The following CLNK variants were observed in gnomAD, a reference collection of about 807,000 sequenced individuals.
CLNK encodes cytokine dependent hematopoietic cell linker.
Under a neutral mutation model 68.6 loss-of-function variants are expected in CLNK, and 74 were observed. The ratio of observed to expected loss-of-function variants is 1.08; its 90% CI spans 0.89 to 1.31. The LOEUF is 1.31. Ranked by LOEUF, CLNK falls within the 50% of genes most tolerant of loss-of-function variation. CLNK has a pLI of 0.00. For missense variants in CLNK, 553 were observed against 515.3 expected (o/e 1.07, Z -0.71); for synonymous variants, 198 against 172.2 (o/e 1.15, Z -1.17).
intron 16 of CLNK, among the ~76,000 whole-genome samples, chr4:10,510,663 A>G (rs1717539648): frequency 6.6e-6 from 1 of 152,158 alleles, no homozygotes; most frequent in African/African-American, 2.4e-5. Flanking sequence ...TTTACAATCT[A>G]TTCTCTCTGA....
At chr4:10,716,572 T>G in the CLNK span, among the ~76,000 whole-genome samples, 1 of 152,094 alleles carries the variant, frequency 6.6e-6, no homozygotes, top group East Asian at 1.9e-4. Context: ...CAAACTTCAG[T>G]TGAATAATTA....
chr4:10,650,324 G>T (rs181880889), intron 2 of CLNK, among the ~76,000 whole-genome samples: 1 of 151,812 alleles, frequency 6.6e-6, no homozygotes, highest in East Asian at 1.9e-4. Context: ...AAGAATGAGA[G>T]GAAAAAATAC....
At chr4:10,512,012 A>G (rs930258346) in intron 16 of CLNK, among the ~76,000 whole-genome samples, 23 of 152,316 alleles carry the variant, frequency 1.5e-4, no homozygotes, top group Non-Finnish European at 2.9e-4. Context: ...CAGGACATAG[A>G]TATGCCACAA....
In CLNK at chr4:10,566,088, G is replaced by C. The variant is rs369236380; in HGVS notation, c.213C>G (p.Asp71Glu). The C allele has an allele frequency of 1.2e-6, 2 of 1,613,882 alleles. No homozygotes were observed. The highest frequency in any genetic ancestry group is 2.2e-5 in the South Asian group (2 of 91,078). Residue 71 changes from aspartate (D) to glutamate (E), a missense_variant, in exon 6 of 19, where the codon GAC (aspartate) becomes GAG (glutamate). Physicochemically the swap from Asp to Glu is conservative, Grantham distance 45 (BLOSUM62 2). Transcript: ENST00000226951. Reference protein sequence around the residue: ...AKGHSDDDYDDPELRMEETWQ... With the variant: ...AKGHSDDDYDEPELRMEETWQ... ...ATGTCTCTTCCATCCGAAGCTCAGG[G>C]TCATCATAGTCATCATCACTGTGGC...
intron 8 of CLNK, among the ~76,000 whole-genome samples, chr4:10,558,068 G>C (rs1460353397): frequency 6.6e-6 from 1 of 152,152 alleles, no homozygotes; most frequent in African/African-American, 2.4e-5. Context: ...TTTAAAATTA[G>C]ATTTCTATCT....
chr4:10,521,095 A>T (rs1262639830), intron 14 of CLNK, among the ~76,000 whole-genome samples: 1 of 152,352 alleles, frequency 6.6e-6, no homozygotes, highest in Middle Eastern at 3.4e-3. Context: ...ACGTATCATT[A>T]TTCTTTACTT....
chr4:10,596,674 G>GT (rs11317906), intron 3 of CLNK, among the ~76,000 whole-genome samples: 538 of 151,422 alleles, frequency 3.6e-3, no homozygotes, highest in African/African-American at 7.1e-3. Context: ...GTATGTCTAT[G>GT]TTTTTTTTTA....
At chr4:10,622,703 T>G (rs2531202) in intron 2 of CLNK, among the ~76,000 whole-genome samples, 1 of 152,230 alleles carries the variant, frequency 6.6e-6, no homozygotes, top group African/African-American at 2.4e-5. Flanking sequence ...GTATATAACA[T>G]TGATTTTTAT....
chr4:10,652,844 G>C (rs1270419060), intron 2 of CLNK, among the ~76,000 whole-genome samples: 1 of 152,024 alleles, frequency 6.6e-6, no homozygotes, highest in African/African-American at 2.4e-5. Context: ...ATGGAATATT[G>C]CAAAAAAATG....
chr4:10,660,488 T>C (rs1209909309), intron 2 of CLNK, among the ~76,000 whole-genome samples: 1 of 152,264 alleles, frequency 6.6e-6, no homozygotes, highest in African/African-American at 2.4e-5. Context: ...GTATATATTT[T>C]TGTATCTTAA....
chr4:10,636,544 TG>T (rs1428199429), intron 2 of CLNK, among the ~76,000 whole-genome samples: 3 of 152,150 alleles, frequency 2.0e-5, no homozygotes, highest in African/African-American at 7.2e-5. Flanking sequence ...CTATTTGTTA[TG>T]GCAGTCCTAG....
chr4:10,708,972 G>A, the CLNK span, among the ~76,000 whole-genome samples: 1 of 152,134 alleles, frequency 6.6e-6, no homozygotes, highest in Non-Finnish European at 1.5e-5. Flanking sequence ...GAGATCTATT[G>A]AAAAGCCTGG....
At chr4:10,492,512 AT>A in intron 18 of CLNK, among the ~76,000 whole-genome samples, 1 of 152,200 alleles carries the variant, frequency 6.6e-6, no homozygotes, top group East Asian at 1.9e-4. Context: ...ATGCAAACAA[AT>A]AATTTCATTT....
chr4:10,570,036 G>C (rs963938551), intron 5 of CLNK, among the ~76,000 whole-genome samples: 18 of 152,202 alleles, frequency 1.2e-4, no homozygotes, highest in Admixed American at 2.0e-4. Context: ...ACACAGTAAA[G>C]GGAGAGAAGG....
chr4:10,698,336 C>G, the CLNK span, among the ~76,000 whole-genome samples: 1 of 152,126 alleles, frequency 6.6e-6, no homozygotes, highest in Non-Finnish European at 1.5e-5. Flanking sequence ...AGGGCAAGGT[C>G]CATACTATAG....
At position 10,552,092 on chromosome 4, in the gene CLNK, C is replaced by T. The variant is rs189524807; in HGVS notation, c.445+6315G>A. ...AGGATGGTCTCGATCTCCTGACCTCCTGATCTGCCCACCTCAGCCTCCCAA... is the reference window on the plus strand; with the variant it reads ...AGGATGGTCTCGATCTCCTGACCTCTTGATCTGCCCACCTCAGCCTCCCAA... On this transcript the variant is annotated intron_variant, in intron 8 of 18. Transcript: ENST00000226951. Among the ~76,000 whole-genome samples the T allele has an allele frequency of 1.7e-3, 265 of 152,008 alleles. 1 individual carries two copies. Among genetic ancestry groups the T allele is most frequent in the South Asian group, 4.2e-3 (20 of 4,816 alleles).
chr4:10,674,806 G>A (rs563805769), intron 1 of CLNK, among the ~76,000 whole-genome samples: 123 of 152,246 alleles, frequency 8.1e-4, no homozygotes, highest in African/African-American at 2.6e-3. Context: ...TAAAGATAAC[G>A]GATTTGATTT....
chr4:10,660,477 T>A (rs1418653794), intron 2 of CLNK, among the ~76,000 whole-genome samples: 1 of 152,386 alleles, frequency 6.6e-6, no homozygotes, highest in East Asian at 1.9e-4. Flanking sequence ...TTTCTCTTTA[T>A]GTATATATTT....
At chr4:10,529,646 G>A (rs916043743) in intron 12 of CLNK, among the ~76,000 whole-genome samples, 3 of 152,162 alleles carry the variant, frequency 2.0e-5, no homozygotes, top group Non-Finnish European at 4.4e-5. Context: ...CATTCTAGTG[G>A]GTGGTTTGAA....
Sources: gnomAD v4.1 joint callset for allele counts (sites outside exome capture counted in the v4.1 genomes callset) on GRCh38, gnomAD v4.1.1 for gene constraint, MANE v1.5 for transcripts, NCBI Gene and HGNC (gene_info 2026-07-23, HGNC 2026-07-21) for gene names.